CNTNAP4: variants seen among roughly 807,000 people sequenced by gnomAD.
CNTNAP4 encodes the protein contactin associated protein family member 4.
Under a neutral mutation model 148.4 loss-of-function variants are expected in CNTNAP4, and 98 were observed. The ratio of observed to expected loss-of-function variants is 0.66; its 90% CI spans 0.56 to 0.78. The LOEUF (loss-of-function observed/expected upper bound fraction) is 0.78. CNTNAP4 is among the 30% of genes least tolerant of loss of function. The pLI, the probability that CNTNAP4 is intolerant of heterozygous loss-of-function variation, is 0.00. For synonymous variants in CNTNAP4, 730 were observed against 565.1 expected, an observed-to-expected ratio of 1.29 and a Z score of -4.14; for missense variants, 1,935 against 1,565.6, an observed-to-expected ratio of 1.24 and a Z score of -3.98.
At chr16:76,517,694 CA>C (rs2083301951) in intron 15 of CNTNAP4, among the ~76,000 whole-genome samples, 1 of 152,098 alleles carries the variant, frequency 6.6e-6, no homozygotes, top group African/African-American at 2.4e-5. Flanking sequence ...TTGCACAATT[CA>C]GTAATATAAA....
chr16:76,399,574 A>G (rs10400931), intron 3 of CNTNAP4, among the ~76,000 whole-genome samples: 9,155 of 152,254 alleles, frequency 0.06, 882 homozygotes, highest in African/African-American at 0.2. Flanking sequence ...CACAGTTGAC[A>G]ATGTCCAGGT....
At chr16:76,348,577 A>C (rs1204483190) in intron 2 of CNTNAP4, among the ~76,000 whole-genome samples, 1 of 152,190 alleles carries the variant, frequency 6.6e-6, no homozygotes. Flanking sequence ...GAAAATTAAG[A>C]GAAGGTGCTT....
At chr16:76,291,850 C>G (rs369186021) in intron 1 of CNTNAP4, among the ~76,000 whole-genome samples, 3 of 152,210 alleles carry the variant, frequency 2.0e-5, no homozygotes, top group African/African-American at 7.2e-5. Context: ...GCTTGCCATA[C>G]ATTATTTCAG....
intron 3 of CNTNAP4, among the ~76,000 whole-genome samples, chr16:76,415,926 G>GT (rs1208768586): frequency 7.1e-5 from 4 of 56,266 alleles, no homozygotes; most frequent in African/African-American, 1.5e-4. Context: ...TAGATATACT[G>GT]TTTGTTTTTT....
chr16:76,457,078 C>T (rs941216788), intron 8 of CNTNAP4, among the ~76,000 whole-genome samples: 4 of 152,154 alleles, frequency 2.6e-5, no homozygotes, highest in South Asian at 4.1e-4. Flanking sequence ...GGACTGGGTG[C>T]ATAGAATTTT....
At position 76,390,946 on chromosome 16, in the gene CNTNAP4, GA is replaced by G. The variant is rs547597144; in HGVS notation, c.390+35438del. 3.7e-4 allele frequency among the ~76,000 whole-genome samples: 57 copies of G among 152,172 alleles called. No homozygotes were observed. In the East Asian group the frequency reaches 7.1e-3, roughly 19 times the overall value. ...ATGTTTTGATATGGGCATGCAATGG[GA>G]AATAAGCACATCATAGAGAATGGGG... On this transcript the variant is annotated intron_variant, in intron 3 of 23. Coordinates refer to ENST00000611870, the MANE Select transcript of CNTNAP4 (RefSeq NM_033401.5).
intron 2 of CNTNAP4, among the ~76,000 whole-genome samples, chr16:76,319,296 G>T (rs539572263): frequency 1.1e-4 from 16 of 152,148 alleles, no homozygotes; most frequent in Middle Eastern, 3.4e-3. Flanking sequence ...GGAGGCTGAG[G>T]CATGAGAATC....
chr16:76,352,080 C>T (rs1437306103), intron 2 of CNTNAP4, among the ~76,000 whole-genome samples: 1 of 152,142 alleles, frequency 6.6e-6, no homozygotes, highest in Non-Finnish European at 1.5e-5. Context: ...TGTGGAATTT[C>T]CAGGCTGAGA....
chr16:76,293,837 A>ATTT (rs1567604147), intron 1 of CNTNAP4, among the ~76,000 whole-genome samples: 69 of 124,374 alleles, frequency 5.5e-4, no homozygotes, highest in African/African-American at 1.8e-3. Flanking sequence ...TTTTTTTTTA[A>ATTT]AAAAAAGGAT....
At chr16:76,319,499 T>C (rs962576508) in intron 2 of CNTNAP4, among the ~76,000 whole-genome samples, 2 of 152,162 alleles carry the variant, frequency 1.3e-5, no homozygotes, top group Non-Finnish European at 2.9e-5. Context: ...TTGAATTGTG[T>C]CCTCCTAAAA....
At chr16:76,308,299 G>A (rs984356773) in intron 1 of CNTNAP4, among the ~76,000 whole-genome samples, 1 of 152,182 alleles carries the variant, frequency 6.6e-6, no homozygotes, top group Non-Finnish European at 1.5e-5. Flanking sequence ...ATTTAATCGA[G>A]TTGAAATATC....
chr16:76,328,746 A>G (rs1047391808), intron 2 of CNTNAP4, among the ~76,000 whole-genome samples: 1 of 152,108 alleles, frequency 6.6e-6, no homozygotes, highest in Non-Finnish European at 1.5e-5. Flanking sequence ...CCCAGGTTCA[A>G]GTGATTCTCC....
Position 76,508,835 on chromosome 16 carries a change from C to T in CNTNAP4, c.2365+10141C>T, listed in dbSNP as rs1251425033. On this transcript the variant is annotated intron_variant, in intron 15 of 23. Transcript: ENST00000611870. ...TGGCACGATCTCGGCTCACTGCAAG[C>T]TCCGCCTCCTGGGTTCACGCCATTC... is the stretch of plus-strand genomic sequence containing the variant. Among the ~76,000 whole-genome samples, 4 of 89,064 alleles carry T rather than the reference C, an allele frequency of 4.5e-5. 1 individual carries two copies. The highest frequency in any genetic ancestry group is 1.3e-4 in the Non-Finnish European group (4 of 31,758). 58.4% of individuals were successfully genotyped at this position (89,064 alleles called of 152,430 possible).
At chr16:76,533,963 C>G (rs1324040346) in intron 17 of CNTNAP4, among the ~76,000 whole-genome samples, 1 of 152,198 alleles carries the variant, frequency 6.6e-6, no homozygotes, top group Non-Finnish European at 1.5e-5. Flanking sequence ...AGCTATGAAT[C>G]TGAATTCTGA....
intron 21 of CNTNAP4, among the ~76,000 whole-genome samples, chr16:76,547,425 A>C (rs1172471954): frequency 6.6e-6 from 1 of 152,210 alleles, no homozygotes; most frequent in Non-Finnish European, 1.5e-5. Flanking sequence ...AGTTGAATGA[A>C]ATTTATAATT....
chr16:76,426,191 A>G (rs1005943590), intron 3 of CNTNAP4, among the ~76,000 whole-genome samples: 1 of 152,210 alleles, frequency 6.6e-6, no homozygotes. Flanking sequence ...TAATTTAACT[A>G]TAAAACACCC....
intron 21 of CNTNAP4, among the ~76,000 whole-genome samples, chr16:76,547,706 T>C (rs1304309894): frequency 6.6e-6 from 1 of 152,214 alleles, no homozygotes; most frequent in African/African-American, 2.4e-5. Context: ...AGCTTTGGTG[T>C]ATTTAGAGGC....
At chr16:76,452,880 A>G in intron 8 of CNTNAP4, 111 bp downstream of exon 8, 1 of 990,696 alleles carries the variant, frequency 1.0e-6, no homozygotes, top group Non-Finnish European at 1.4e-6. Flanking sequence ...ATAAATGAAT[A>G]CTCAGGTTAA....
chr16:76,340,407 G>T (rs1002995372), intron 2 of CNTNAP4, among the ~76,000 whole-genome samples: 4 of 152,064 alleles, frequency 2.6e-5, no homozygotes, highest in African/African-American at 4.8e-5. Flanking sequence ...CAGGTTTCCT[G>T]TTGCTTCAAT....
Sources: gnomAD v4.1 joint callset for allele counts (sites outside exome capture counted in the v4.1 genomes callset) on GRCh38, gnomAD v4.1.1 for gene constraint, MANE v1.5 for transcripts, NCBI Gene and HGNC (gene_info 2026-07-23, HGNC 2026-07-21) for gene names.